TECTA: variants seen among roughly 807,000 people sequenced by gnomAD.
TECTA encodes tectorin alpha.
TECTA carries 128 observed loss-of-function variants against 216.8 expected under a neutral mutation model. The ratio of observed to expected loss-of-function variants is 0.59; its 90% CI spans 0.51 to 0.68. The LOEUF is 0.68. Ranked by LOEUF, TECTA falls within the 30% of genes least tolerant of loss-of-function variation. TECTA has a pLI of 0.00. For synonymous variants in TECTA, 1,089 were observed against 1,117.1 expected (o/e 0.97, Z 0.50); for missense variants, 2,551 against 2,786.2 (o/e 0.92, Z 1.90).
chr11:121,188,690 A>G (rs570126614), intron 21 of TECTA, among the ~76,000 whole-genome samples: 78 of 152,318 alleles, frequency 5.1e-4, no homozygotes, highest in African/African-American at 1.8e-3. Flanking sequence ...TTATGCTTAC[A>G]CCATATTTGC....
At position 121,152,226 on chromosome 11, in the gene TECTA, C is replaced by A. The variant is rs1380641236; in HGVS notation, c.4106-655C>A. Among the ~76,000 whole-genome samples, 3 of 152,380 alleles carry A rather than the reference C, an allele frequency of 2.0e-5. No individual in the cohort carries two copies. The East Asian group carries it at 5.8e-4, about 29-fold the overall frequency. On this transcript the variant is annotated intron_variant, in intron 12 of 23. Coordinates refer to ENST00000392793, the MANE Select transcript of TECTA (RefSeq NM_005422.4). ...CAGTTTGCACAGACATGTGCACGTG[C>A]ACACACCCATGCATGCCAGCACGTG... is the stretch of plus-strand genomic sequence containing the variant.
At chr11:121,187,415 G>A (rs1041371790) in intron 20 of TECTA, among the ~76,000 whole-genome samples, 5 of 152,178 alleles carry the variant, frequency 3.3e-5, no homozygotes, top group Admixed American at 1.3e-4. Context: ...TTCCCAACAG[G>A]GTTTGAGTCA....
chr11:121,183,499 T>A (rs1011306701), intron 20 of TECTA, among the ~76,000 whole-genome samples: 2 of 152,126 alleles, frequency 1.3e-5, no homozygotes, highest in Admixed American at 1.3e-4. Context: ...TATTGGGAAG[T>A]TTCTCCTGGC....
chr11:121,123,851 C>G (rs1160371886), intron 7 of TECTA, among the ~76,000 whole-genome samples: 1 of 152,182 alleles, frequency 6.6e-6, no homozygotes, highest in Non-Finnish European at 1.5e-5. Context: ...CTGACGTCAT[C>G]TATTGCTGCC....
chr11:121,161,490 A>T (rs892520365), intron 15 of TECTA, among the ~76,000 whole-genome samples: 1 of 139,262 alleles, frequency 7.2e-6, no homozygotes, highest in African/African-American at 2.7e-5. Context: ...CTGAGGAATT[A>T]TGATTCTGTT....
At chr11:121,186,904 C>T (rs1252059106) in intron 20 of TECTA, among the ~76,000 whole-genome samples, 1 of 152,210 alleles carries the variant, frequency 6.6e-6, no homozygotes, top group East Asian at 1.9e-4. Context: ...CTCATTCATT[C>T]ATCTGACAGA....
chr11:121,103,874 C>A (rs757808981), intron 2 of TECTA, among the ~76,000 whole-genome samples: 6 of 152,082 alleles, frequency 3.9e-5, no homozygotes, highest in Non-Finnish European at 7.4e-5. Flanking sequence ...ATTTAACAGT[C>A]CGTTCTTTCC....
chr11:121,166,635 C>T lies in TECTA; in HGVS notation c.5441C>T (p.Ser1814Phe), dbSNP rs1209965185. The T allele has an allele frequency of 1.2e-6, 2 of 1,614,058 alleles. No homozygotes were observed. Among genetic ancestry groups the T allele is most frequent in the Non-Finnish European group, 1.7e-6 (2 of 1,180,050 alleles). The change falls in exon 18 of 24, where the codon TCC becomes TTC. Residue 1814 changes from serine (S) to phenylalanine (F), a missense_variant. This residue lies in a region of TECTA where 2,375 missense variants were observed against 2,563.9 expected (regional missense o/e 0.93). Transcript: ENST00000392793. ...TGCAAAGCAGCCCAAATGGAAGTGTCCATATCTAAGTGCAAGCTCTTCCAG... is the reference window on the plus strand; with the variant it reads ...TGCAAAGCAGCCCAAATGGAAGTGTTCATATCTAAGTGCAAGCTCTTCCAG... ...VTCKAAQMEV[S>F]ISKCKLFQLG...
chr11:121,124,799 C>T (rs1356275756), intron 7 of TECTA, among the ~76,000 whole-genome samples: 1 of 152,178 alleles, frequency 6.6e-6, no homozygotes, highest in Admixed American at 6.5e-5. Flanking sequence ...GAGAATACTA[C>T]ATCAGGACAG....
rs544916783 is a variant in TECTA, at chr11:121,125,383, G to A, written c.1285G>A (p.Val429Met). The A allele has an allele frequency of 1.1e-5, 18 of 1,614,184 alleles. No homozygotes were observed. Among genetic ancestry groups the A allele is most frequent in the East Asian group, 4.5e-5 (2 of 44,890 alleles). The stretch of plus-strand genomic sequence containing the variant: ...CTACCAGAGTGGCATATCTACTGCC[G>A]TGGAAACAGATTTTGGGCTCTTAGT... ...KIYQSGISTAVETDFGLLVTF... is the reference protein window; with the variant it reads ...KIYQSGISTAMETDFGLLVTF... Residue 429 changes from valine to methionine, a missense_variant, in exon 8 of 24, where the codon GTG (valine) becomes ATG (methionine). Around this residue, in one of 3 missense-constraint regions of TECTA, gnomAD observed 2,375 missense variants for 2,563.9 expected, o/e 0.93. Coordinates refer to ENST00000392793, the MANE Select transcript of TECTA (RefSeq NM_005422.4).
intron 16 of TECTA, among the ~76,000 whole-genome samples, chr11:121,163,605 TAAG>T (rs1280783163): frequency 7.9e-4 from 120 of 152,210 alleles, no homozygotes; most frequent in South Asian, 4.4e-3. Context: ...ATAATAATAA[TAAG>T]AAGAAGAATA....
At position 121,166,759 on chromosome 11, in the gene TECTA, G is replaced by T. The variant is rs759680780; in HGVS notation, c.5565G>T (p.Gly1855=). 6.2e-7 allele frequency: 1 copy of T among 1,613,992 alleles called. No individual in the cohort carries two copies. Among genetic ancestry groups the T allele is most frequent in the Non-Finnish European group, 8.5e-7 (1 of 1,180,034 alleles). The change falls in exon 18 of 24, where the codon GGG becomes GGT. Residue 1855 remains glycine, a synonymous_variant. Coordinates refer to ENST00000392793, the MANE Select transcript of TECTA (RefSeq NM_005422.4). ...CCTTTCAGATCAACAACACCAAAGG[G>T]AATTGTGGAAACATTGTGCAGGTGA... ...FISFQINNTK[G]NCGNIVQSNG...
chr11:121,175,139 C>A (rs1310526), intron 20 of TECTA, among the ~76,000 whole-genome samples: 102,341 of 150,062 alleles, frequency 0.68, 36,336 homozygotes, highest in African/African-American at 0.9. Flanking sequence ...TTTCAAAAAA[C>A]CAGCTCCTGG....
chr11:121,167,797 G>C (rs1457113437), intron 18 of TECTA, among the ~76,000 whole-genome samples: 1 of 152,190 alleles, frequency 6.6e-6, no homozygotes, highest in Non-Finnish European at 1.5e-5. Context: ...TCTGGTAGTG[G>C]TTAGAATTCA....
chr11:121,139,150 G>A (rs973800038), intron 11 of TECTA, among the ~76,000 whole-genome samples: 16 of 152,070 alleles, frequency 1.1e-4, no homozygotes, highest in African/African-American at 3.6e-4. Context: ...TCACTGTGTC[G>A]TCCTCTTCCC....
At chr11:121,155,418 G>C (rs1417446055) in intron 13 of TECTA, among the ~76,000 whole-genome samples, 2 of 152,188 alleles carry the variant, frequency 1.3e-5, no homozygotes, top group African/African-American at 4.8e-5. Flanking sequence ...AAGTCAATTT[G>C]TGAGGCTGTT....
Position 121,106,068 on chromosome 11 carries a change from A to G in TECTA, c.198+104A>G, listed in dbSNP as rs541844470. On this transcript the variant is annotated intron_variant, in intron 3 of 23. Transcript: ENST00000392793. ...TCTTCCAGAGCTCTGGGAAGGGAGG[A>G]TTTATTGGCAGCCAAAACGACAAGT... 5.1e-6 allele frequency: 8 copies of G among 1,573,598 alleles called. No individual in the cohort carries two copies. In the African/African-American group the frequency reaches 9.4e-5, roughly 19 times the overall value.
At position 121,113,896 on chromosome 11, in the gene TECTA, A is replaced by G. The variant is rs1392546069; in HGVS notation, c.790+178A>G. On this transcript the variant is annotated intron_variant, in intron 6 of 23. Coordinates refer to ENST00000392793, the MANE Select transcript of TECTA (RefSeq NM_005422.4). This position sits in a 1 kb window ranked among gnomAD's most constrained non-coding sequence, Gnocchi z 4.2. ...TGCATTCATCACATCAGAAGCTAAA[A>G]CACTGCATTCACTACCTTGTGGCTT... Among the ~76,000 whole-genome samples, 1 of 152,190 alleles carries G rather than the reference A, an allele frequency of 6.6e-6. No homozygotes were observed. The highest frequency in any genetic ancestry group is 1.5e-5 in the Non-Finnish European group (1 of 68,034).
intron 14 of TECTA, 131 bp downstream of exon 14, chr11:121,158,355 A>T (rs1946965813): frequency 2.3e-6 from 3 of 1,280,638 alleles, no homozygotes; most frequent in Non-Finnish European, 3.3e-6. Context: ...ACACACAGTG[A>T]CCAGGTTTTA....
Sources: allele counts gnomAD v4.1 joint callset (sites outside exome capture counted in the v4.1 genomes callset), GRCh38; gene constraint gnomAD v4.1.1; regional missense constraint gnomAD v4.1.1; non-coding constraint Gnocchi (gnomAD v3.1); transcripts MANE v1.5; gene names NCBI Gene and HGNC (gene_info 2026-07-23, HGNC 2026-07-21).